The following PHACTR2 variants were observed in gnomAD, a reference collection of about 807,000 sequenced individuals.
PHACTR2 encodes the protein phosphatase and actin regulator 2, also known as chromosome 6 open reading frame 56.
Under a neutral mutation model 76.0 loss-of-function variants are expected in PHACTR2, and 30 were observed. The observed-to-expected ratio is 0.39, with a 90% confidence interval of 0.30 to 0.54. The LOEUF is 0.54. Ranked by LOEUF, PHACTR2 falls within the 20% of genes least tolerant of loss-of-function variation. The probability of loss-of-function intolerance (pLI) is 0.61; values close to 1 mark genes in which losing one functional copy is unlikely to be tolerated. For synonymous variants in PHACTR2, 292 were observed against 292.5 expected (o/e 1.00, Z 0.02); for missense variants, 696 against 781.1 (o/e 0.89, Z 1.30).
chr6:143,563,299 T>C (rs572785009), intron 1 of PHACTR2, among the ~76,000 whole-genome samples: 1 of 152,108 alleles, frequency 6.6e-6, no homozygotes, highest in East Asian at 1.9e-4. Context: ...ACCCGGGGGC[T>C]CAAGCCTGTA....
In PHACTR2 at chr6:143,682,860, C is replaced by G. The variant is rs568906821; in HGVS notation, c.46+4651C>G. Among the ~76,000 whole-genome samples, 3 of 152,076 alleles carry G rather than the reference C, an allele frequency of 2.0e-5. No homozygotes were observed. In the South Asian group the frequency reaches 6.2e-4, roughly 32 times the overall value. Reference sequence around the variant, plus strand: ...TAGGTTCACTTTGTCAAAAAGTTCTCTGCTATTCCTACTTTGTCAGTGTTT... The same window carrying G: ...TAGGTTCACTTTGTCAAAAAGTTCTGTGCTATTCCTACTTTGTCAGTGTTT... On this transcript the variant is annotated intron_variant, in intron 1 of 12. Coordinates refer to ENST00000440869, the MANE Select transcript of PHACTR2 (RefSeq NM_001100164.2).
chr6:143,544,869 G>A (rs532748312), intron 1 of PHACTR2, among the ~76,000 whole-genome samples: 6 of 151,978 alleles, frequency 3.9e-5, no homozygotes, highest in East Asian at 1.9e-4. Context: ...AGCCTAAAAC[G>A]ATTTTTTAAA....
Position 143,743,157 on chromosome 6 carries a change from T to G in PHACTR2, c.215-5828T>G, listed in dbSNP as rs755564082. Among the ~76,000 whole-genome samples the G allele has an allele frequency of 2.0e-4, 31 of 152,322 alleles. No homozygotes were observed. Among genetic ancestry groups the G allele is most frequent in the Admixed American group, 2.0e-4 (3 of 15,304 alleles). On this transcript the variant is annotated intron_variant, in intron 2 of 12. Coordinates refer to ENST00000440869, the MANE Select transcript of PHACTR2 (RefSeq NM_001100164.2). This position sits in a 1 kb window ranked among gnomAD's most constrained non-coding sequence, Gnocchi z 5.0. ...ACTGTGTGAAGAGAACTTAACATTT[T>G]AGGGTAGATTTCACCCGAGAGGGAT... is the stretch of plus-strand genomic sequence containing the variant.
intron 12 of PHACTR2, among the ~76,000 whole-genome samples, chr6:143,813,205 A>G (rs1290952574): frequency 6.6e-6 from 1 of 152,190 alleles, no homozygotes; most frequent in Non-Finnish European, 1.5e-5. Flanking sequence ...CTTACTGAAG[A>G]CTCATAGAAT....
chr6:143,785,353 A>G (rs1447387654), intron 10 of PHACTR2, among the ~76,000 whole-genome samples: 1 of 152,228 alleles, frequency 6.6e-6, no homozygotes, highest in Non-Finnish European at 1.5e-5. Flanking sequence ...TCTCACATCC[A>G]GGTCACACTG....
At chr6:143,559,813 C>T (rs1347205815) in intron 1 of PHACTR2, among the ~76,000 whole-genome samples, 4 of 139,594 alleles carry the variant, frequency 2.9e-5, no homozygotes, top group Admixed American at 7.8e-5. Flanking sequence ...CAGGTTCAAT[C>T]GATTCTCCTG....
chr6:143,698,629 C>T lies in PHACTR2; in HGVS notation c.47-13387C>T, dbSNP rs531303525. Among the ~76,000 whole-genome samples the T allele has an allele frequency of 1.2e-4, 18 of 152,322 alleles. No homozygotes were observed. The highest frequency in any genetic ancestry group is 4.3e-4 in the African/African-American group (18 of 41,584). ...GTGGGAACTAATGCCACAGTACCAC[C>T]GTGTGAGCCTCTGGGGTCCCCCACA... On this transcript the variant is annotated intron_variant, in intron 1 of 12. Coordinates refer to ENST00000440869, the MANE Select transcript of PHACTR2 (RefSeq NM_001100164.2). This position sits in a 1 kb window ranked among gnomAD's most constrained non-coding sequence, Gnocchi z 4.3.
chr6:143,660,386 C>T (rs1776928131), intron 1 of PHACTR2, among the ~76,000 whole-genome samples: 1 of 152,106 alleles, frequency 6.6e-6, no homozygotes. Flanking sequence ...GGGAAACTCC[C>T]ATTTTTAAAA....
In PHACTR2 at chr6:143,539,148, G is replaced by T. The variant is rs752935684; in HGVS notation, c.217+1941G>T. Among the ~76,000 whole-genome samples the T allele has an allele frequency of 1.3e-5, 2 of 152,202 alleles. No homozygotes were observed. The highest frequency in any genetic ancestry group is 2.9e-5 in the Non-Finnish European group (2 of 68,040). On this transcript the variant is annotated intron_variant, in intron 1 of 11. Transcript: ENST00000367584. The surrounding 1 kb of genome is among the most constrained non-coding windows in gnomAD (Gnocchi z 4.3). ...GCAAAGACATTTAAAATGTGAGTGT[G>T]CAAAGTGTACATCATGTGAACCATG...
intron 5 of PHACTR2, among the ~76,000 whole-genome samples, chr6:143,763,381 T>G (rs1397632160): frequency 6.6e-6 from 1 of 152,102 alleles, no homozygotes; most frequent in Non-Finnish European, 1.5e-5. Context: ...AAAAAAGAAT[T>G]TTCTTTAACA....
intron 2 of PHACTR2, among the ~76,000 whole-genome samples, chr6:143,718,504 A>G (rs1388276653): frequency 3.3e-5 from 5 of 152,198 alleles, no homozygotes; most frequent in Non-Finnish European, 7.4e-5. Flanking sequence ...CCACATCAGA[A>G]AGGACTGATC....
In PHACTR2 at chr6:143,548,941, G is replaced by A. The variant is rs1775046581; in HGVS notation, c.217+11734G>A. Among the ~76,000 whole-genome samples, 1 of 151,974 alleles carries A rather than the reference G, an allele frequency of 6.6e-6. No homozygotes were observed. The highest frequency in any genetic ancestry group is 6.6e-5 in the Admixed American group (1 of 15,236). On this transcript the variant is annotated intron_variant, in intron 1 of 11. Coordinates refer to the PHACTR2 transcript ENST00000367584. This position sits in a 1 kb window ranked among gnomAD's most constrained non-coding sequence, Gnocchi z 4.5. ...ATGTTCCTAGGGAACAACAAGATAAGAATAGGAAGGATGATGGAAATCATT... is the reference window on the plus strand; with the variant it reads ...ATGTTCCTAGGGAACAACAAGATAAAAATAGGAAGGATGATGGAAATCATT...
intron 1 of PHACTR2, among the ~76,000 whole-genome samples, chr6:143,643,512 G>C (rs1562257244): frequency 6.6e-6 from 1 of 152,196 alleles, no homozygotes; most frequent in Non-Finnish European, 1.5e-5. Context: ...TTAACCATCA[G>C]TTGTTTATAA....
rs758855142 is a variant in PHACTR2 at position 143,749,029 on chromosome 6, A to G, written c.259A>G (p.Ile87Val). 1 of 1,591,814 alleles carries G rather than the reference A, an allele frequency of 6.3e-7. No homozygotes were observed. Among genetic ancestry groups the G allele is most frequent in the Non-Finnish European group, 8.6e-7 (1 of 1,159,708 alleles). ...CACACGACAAAGTAGAGAGGAGCTG[A>G]TAAGAAGGGGAGTGCTTAAGGAATT... is the stretch of plus-strand genomic sequence containing the variant. ...ISTRQSREELIRRGVLKELPD... is the reference protein window; with the variant it reads ...ISTRQSREELVRRGVLKELPD... Residue 87 changes from isoleucine (I) to valine (V), a missense_variant, in exon 3 of 13, where the codon ATA becomes GTA. By Grantham distance (29) the Ile-to-Val change is conservative. Coordinates refer to ENST00000440869, the MANE Select transcript of PHACTR2 (RefSeq NM_001100164.2).
Position 143,700,972 on chromosome 6 carries a change from G to C in PHACTR2, c.47-11044G>C, listed in dbSNP as rs1227125396. On this transcript the variant is annotated intron_variant, in intron 1 of 12. Transcript: ENST00000440869. The surrounding 1 kb of genome is among the most constrained non-coding windows in gnomAD (Gnocchi z 4.1). The stretch of plus-strand genomic sequence containing the variant: ...ATAGAGACAACCCTTCCCTTGTAGC[G>C]ATAACAGTGGCATTCAAAACGTAAA... Among the ~76,000 whole-genome samples the C allele has an allele frequency of 2.6e-5, 4 of 152,210 alleles. No individual in the cohort carries two copies. Among genetic ancestry groups the C allele is most frequent in the Non-Finnish European group, 5.9e-5 (4 of 68,032 alleles).
rs1338690386 is a variant in PHACTR2 at position 143,539,831 on chromosome 6, CCA to C, written c.217+2628_217+2629del. Reference sequence around the variant, plus strand: ...TTGCAGTTTGAAAAGTGCTGCTCTCCCACACTGGTTTTCAAACTTGGCTACAC... The same window carrying C: ...TTGCAGTTTGAAAAGTGCTGCTCTCCCACTGGTTTTCAAACTTGGCTACAC... On this transcript the variant is annotated intron_variant, in intron 1 of 11. Coordinates refer to the PHACTR2 transcript ENST00000367584. The surrounding 1 kb of genome is among the most constrained non-coding windows in gnomAD (Gnocchi z 4.3). 2.0e-5 allele frequency among the ~76,000 whole-genome samples: 3 copies of C among 152,144 alleles called. No individual in the cohort carries two copies. The highest frequency in any genetic ancestry group is 7.2e-5 in the African/African-American group (3 of 41,416).
chr6:143,638,341 A>G (rs963482972), intron 1 of PHACTR2, among the ~76,000 whole-genome samples: 6 of 152,020 alleles, frequency 3.9e-5, no homozygotes, highest in African/African-American at 1.5e-4. Context: ...GGAGTTTGAA[A>G]CCAGCCTGGG....
chr6:143,800,753 T>G lies in PHACTR2; in HGVS notation c.1846-6304T>G, dbSNP rs997117311. ...TCCTGTCATTATGATGTTAGCTGGT[T>G]ATTTTGCCCGTTAGTTGATGCAGTT... On this transcript the variant is annotated intron_variant, in intron 11 of 12. Transcript: ENST00000440869. This position sits in a 1 kb window ranked among gnomAD's most constrained non-coding sequence, Gnocchi z 4.8. 6.6e-6 allele frequency among the ~76,000 whole-genome samples: 1 copy of G among 152,200 alleles called. No individual in the cohort carries two copies. Among genetic ancestry groups the G allele is most frequent in the East Asian group, 1.9e-4 (1 of 5,196 alleles).
rs181664789 is a variant in PHACTR2 at position 143,557,136 on chromosome 6, G to A, written c.217+19929G>A. Among the ~76,000 whole-genome samples the A allele has an allele frequency of 6.6e-6, 1 of 152,320 alleles. No homozygotes were observed. The highest frequency in any genetic ancestry group is 1.9e-4 in the East Asian group (1 of 5,182). On this transcript the variant is annotated intron_variant, in intron 1 of 11. Coordinates refer to the PHACTR2 transcript ENST00000367584. The surrounding 1 kb of genome is among the most constrained non-coding windows in gnomAD (Gnocchi z 5.5). ...TCCCTTTGAAGAGTAAACACTTCCTGAAGGGTTAAAGGCCAGGTAATGGCC... is the reference window on the plus strand; with the variant it reads ...TCCCTTTGAAGAGTAAACACTTCCTAAAGGGTTAAAGGCCAGGTAATGGCC...
Sources: allele counts gnomAD v4.1 joint callset (sites outside exome capture counted in the v4.1 genomes callset), GRCh38; gene constraint gnomAD v4.1.1; non-coding constraint Gnocchi (gnomAD v3.1); transcripts MANE v1.5; gene names NCBI Gene and HGNC (gene_info 2026-07-23, HGNC 2026-07-21).